The following C7orf33 variants were observed in gnomAD, a reference collection of about 807,000 sequenced individuals.
The protein encoded by C7orf33 is chromosome 7 open reading frame 33, also known as uncharacterized protein C7orf33.
In C7orf33, 15 loss-of-function variants were observed where a neutral mutation model predicts 13.4. That is an observed-to-expected ratio of 1.12 (90% CI 0.75 to 1.72). The LOEUF is 1.72. C7orf33 is among the 40% of genes most tolerant of loss of function. The pLI is 0.00. For missense variants in C7orf33, 187 were observed against 220.3 expected (o/e 0.85, Z 0.96); for synonymous variants, 73 against 83.2 (o/e 0.88, Z 0.67).
chr7:148,608,256 C>T (rs187198191), intron 1 of C7orf33, among the ~76,000 whole-genome samples: 21 of 152,090 alleles, frequency 1.4e-4, no homozygotes, highest in African/African-American at 4.8e-5. Flanking sequence ...GGTGAAACCC[C>T]GTCTCCACTA....
chr7:148,614,690 T>G (rs1347883871), intron 2 of C7orf33, among the ~76,000 whole-genome samples: 1 of 152,212 alleles, frequency 6.6e-6, no homozygotes. Context: ...AGCTATGGCT[T>G]CGGTCCTACG....
At chr7:148,608,674 G>A (rs1318669670) in intron 1 of C7orf33, among the ~76,000 whole-genome samples, 1 of 151,808 alleles carries the variant, frequency 6.6e-6, no homozygotes, top group East Asian at 1.9e-4. Flanking sequence ...AATAAGCCAG[G>A]CGTGGTGGCG....
At position 148,591,016 on chromosome 7, in the gene C7orf33, G is replaced by A; in HGVS notation, c.91G>A (p.Gly31Arg). 6.2e-7 allele frequency: 1 copy of A among 1,614,098 alleles called. No homozygotes were observed. Among genetic ancestry groups the A allele is most frequent in the Non-Finnish European group, 8.5e-7 (1 of 1,179,960 alleles). ...TGAATGTGAAGCCCTCCTGCCCAGTGGGGCAAGGCGCCGGATTGACCTTCG... is the reference window on the plus strand; with the variant it reads ...TGAATGTGAAGCCCTCCTGCCCAGTAGGGCAAGGCGCCGGATTGACCTTCG... ...QCECEALLPS[G>R]ARRRIDLRLS... Residue 31 changes from glycine (G) to arginine (R), a missense_variant, in exon 1 of 3, where the codon GGG becomes AGG. Gly to Arg is a moderately radical substitution (Grantham distance 125). Coordinates refer to ENST00000307003, the MANE Select transcript of C7orf33 (RefSeq NM_145304.4).
chr7:148,610,424 C>T (rs1796524689), intron 1 of C7orf33, among the ~76,000 whole-genome samples: 1 of 152,132 alleles, frequency 6.6e-6, no homozygotes, highest in Non-Finnish European at 1.5e-5. Context: ...TTCTCCCGTG[C>T]TCGATGCTTC....
rs140792362 is a variant in C7orf33, at chr7:148,608,431, A to AAAT, written c.205-5593_205-5591dup. ...GGCGACAGAGTGAGACTGCATCTCG[A>AAAT]AATAATAATAATAATAATAAGTCCC... On this transcript the variant is annotated intron_variant, in intron 1 of 2. Transcript: ENST00000307003. 2.5e-3 allele frequency among the ~76,000 whole-genome samples: 378 copies of AAAT among 149,650 alleles called. 1 individual carries two copies. The highest frequency in any genetic ancestry group is 8.8e-3 in the African/African-American group (357 of 40,648).
chr7:148,591,788 C>T (rs1796274260), intron 1 of C7orf33, among the ~76,000 whole-genome samples: 1 of 151,992 alleles, frequency 6.6e-6, no homozygotes, highest in Admixed American at 6.6e-5. Flanking sequence ...GCCATGTTGC[C>T]CAGGCTGGTC....
At chr7:148,592,826 G>T (rs1421379791) in intron 1 of C7orf33, among the ~76,000 whole-genome samples, 1 of 151,884 alleles carries the variant, frequency 6.6e-6, no homozygotes, top group Admixed American at 6.6e-5. Context: ...GGGTAGATAT[G>T]ATTTAAATCT....
At position 148,611,220 on chromosome 7, in the gene C7orf33, C is replaced by G. The variant is rs368311166; in HGVS notation, c.205-2822C>G. 2.2e-4 allele frequency among the ~76,000 whole-genome samples: 33 copies of G among 152,234 alleles called. 1 individual carries two copies. In the East Asian group the frequency reaches 3.3e-3, roughly 15 times the overall value. ...AAGGGCCAGGTCCCTGGTGAGGGCTCCACCCTCAAGCCTGTGCCACAGATC... is the reference window on the plus strand; with the variant it reads ...AAGGGCCAGGTCCCTGGTGAGGGCTGCACCCTCAAGCCTGTGCCACAGATC... On this transcript the variant is annotated intron_variant, in intron 1 of 2. Transcript: ENST00000307003.
chr7:148,611,821 G>A (rs899267735), intron 1 of C7orf33, among the ~76,000 whole-genome samples: 2 of 152,218 alleles, frequency 1.3e-5, no homozygotes, highest in African/African-American at 2.4e-5. Flanking sequence ...ACATTGCTGC[G>A]GGGCCAAGAG....
intron 1 of C7orf33, among the ~76,000 whole-genome samples, chr7:148,612,074 C>G (rs1796550106): frequency 6.6e-6 from 1 of 152,262 alleles, no homozygotes; most frequent in Admixed American, 6.5e-5. Context: ...TTTCCTTGCA[C>G]TATCAGTGCC....
In C7orf33 at chr7:148,614,031, G is replaced by T; in HGVS notation, c.205-11G>T. On this transcript the variant is annotated splice_polypyrimidine_tract_variant and intron_variant, in intron 1 of 2. Transcript: ENST00000307003. ...TTTAACCCAATTTGTTTGTTTGTTT[G>T]TTTTTTCCAGAAGCCAAACCCACAC... 1 of 1,610,548 alleles carries T rather than the reference G, an allele frequency of 6.2e-7. No individual in the cohort carries two copies. The highest frequency in any genetic ancestry group is 8.5e-7 in the Non-Finnish European group (1 of 1,177,478).
At chr7:148,598,721 C>T (rs1461047241) in intron 1 of C7orf33, among the ~76,000 whole-genome samples, 1 of 39,816 alleles carries the variant, frequency 2.5e-5, no homozygotes. Context: ...AAATTTCATT[C>T]CTGGATATAT....
At chr7:148,615,235 G>C in intron 2 of C7orf33, 92 bp from the exon 3 acceptor site, 1 of 872,294 alleles carries the variant, frequency 1.1e-6, no homozygotes, top group Non-Finnish European at 1.9e-6. Flanking sequence ...CACCATGCCA[G>C]GCTGAGACAG....
chr7:148,611,883 A>G (rs751526290), intron 1 of C7orf33, among the ~76,000 whole-genome samples: 7 of 152,164 alleles, frequency 4.6e-5, no homozygotes, highest in Non-Finnish European at 8.8e-5. Flanking sequence ...TGCTCCCCCT[A>G]GGGGTTTGAG....
Position 148,591,048 on chromosome 7 carries a change from T to A in C7orf33, c.123T>A (p.Ser41Arg). 3 of 1,613,980 alleles carry A rather than the reference T, an allele frequency of 1.9e-6. No individual in the cohort carries two copies. Among genetic ancestry groups the A allele is most frequent in the Non-Finnish European group, 2.5e-6 (3 of 1,179,988 alleles). The change falls in exon 1 of 3, where the codon AGT becomes AGA. Residue 41 changes from serine (S) to arginine (R), a missense_variant. Transcript: ENST00000307003. ...GARRRIDLRL[S>R]GRAVAVWVHV... ...GGCGCCGGATTGACCTTCGCCTGAG[T>A]GGGAGGGCAGTCGCTGTTTGGGTCC...
intron 1 of C7orf33, among the ~76,000 whole-genome samples, chr7:148,607,631 A>G (rs972539778): frequency 1.3e-5 from 2 of 152,226 alleles, no homozygotes; most frequent in Non-Finnish European, 2.9e-5. Context: ...GACTGATCAG[A>G]AGACCACAGC....
rs59392988 is a variant in C7orf33, at chr7:148,609,103, GAAAA to G, written c.205-4923_205-4920del. On this transcript the variant is annotated intron_variant, in intron 1 of 2. Transcript: ENST00000307003. ...TTTCACGTTGCAAAGACGTTATTTT[GAAAA>G]AAAAAAAAAAAAAAATCAGGCCCAA... Among the ~76,000 whole-genome samples, 312 of 131,372 alleles carry G rather than the reference GAAAA, an allele frequency of 2.4e-3. 1 individual carries two copies. Among genetic ancestry groups the G allele is most frequent in the African/African-American group, 8.0e-3 (290 of 36,414 alleles). 86.2% of individuals were successfully genotyped at this position (131,372 alleles called of 152,430 possible).
chr7:148,602,238 G>T (rs1292869705), intron 1 of C7orf33, among the ~76,000 whole-genome samples: 1 of 151,546 alleles, frequency 6.6e-6, no homozygotes, highest in East Asian at 1.9e-4. Flanking sequence ...AAGATAAAGG[G>T]CATCTACAGC....
chr7:148,596,005 A>C (rs1208582337), intron 1 of C7orf33, among the ~76,000 whole-genome samples: 1 of 152,016 alleles, frequency 6.6e-6, no homozygotes, highest in Non-Finnish European at 1.5e-5. Flanking sequence ...TGTGCAATTA[A>C]ATTTTTTTTT....
Sources: allele counts gnomAD v4.1 joint callset (sites outside exome capture counted in the v4.1 genomes callset), GRCh38; gene constraint gnomAD v4.1.1; transcripts MANE v1.5; gene names NCBI Gene and HGNC (gene_info 2026-07-23, HGNC 2026-07-21).